MRPL1: variants seen among roughly 807,000 people sequenced by gnomAD.
MRPL1 encodes mitochondrial ribosomal protein L1.
Under a neutral mutation model 38.0 loss-of-function variants are expected in MRPL1, and 28 were observed. The observed-to-expected ratio is 0.74, with a 90% CI of 0.55 to 1.01. The LOEUF (loss-of-function observed/expected upper bound fraction) is 1.01. Among genes scored for constraint, MRPL1 ranks in the 50% least tolerant of loss-of-function variants. The probability of loss-of-function intolerance (pLI) is 0.00; values close to 1 mark genes in which losing one functional copy is unlikely to be tolerated. For missense variants in MRPL1, 358 were observed against 389.8 expected (o/e 0.92, Z 0.69); for synonymous variants, 123 against 126.7 (o/e 0.97, Z 0.20).
In MRPL1 at chr4:77,883,454, A is replaced by G. The variant is rs144659187; in HGVS notation, c.356A>G (p.Gln119Arg). 1.2e-4 allele frequency: 198 copies of G among 1,613,906 alleles called. No individual in the cohort carries two copies. The highest frequency in any genetic ancestry group is 3.3e-4 in the Middle Eastern group (2 of 6,052). Residue 119 changes from glutamine to arginine, a missense_variant, in exon 3 of 9, where the codon CAA becomes CGA. Gln to Arg is a conservative substitution (Grantham distance 43, BLOSUM62 1). Transcript: ENST00000315567. ...FQILDFTSPK[Q>R]SVYLDLTLDM... ...ATTCTTGACTTTACTAGTCCAAAGC[A>G]AAGTGTTTATCTTGATTTGACACTG...
At chr4:77,913,212 A>C (rs1736330179) in intron 7 of MRPL1, among the ~76,000 whole-genome samples, 1 of 152,106 alleles carries the variant, frequency 6.6e-6, no homozygotes, top group Non-Finnish European at 1.5e-5. Context: ...TTTAAAAGAC[A>C]CTGTTAAGAG....
At chr4:77,929,122 C>T (rs1222908493) in intron 7 of MRPL1, among the ~76,000 whole-genome samples, 1 of 152,164 alleles carries the variant, frequency 6.6e-6, no homozygotes, top group Admixed American at 6.5e-5. Flanking sequence ...CTTTTGTTGG[C>T]TTTATTTAAA....
At chr4:77,866,748 C>CTTTTTTT (rs1560457402) in intron 1 of MRPL1, among the ~76,000 whole-genome samples, 1 of 150,150 alleles carries the variant, frequency 6.7e-6, no homozygotes. Context: ...ATATCACCCC[C>CTTTTTTT]CTTTTTTTTT....
intron 7 of MRPL1, among the ~76,000 whole-genome samples, chr4:77,949,151 G>A (rs1292968413): frequency 6.6e-6 from 1 of 152,190 alleles, no homozygotes; most frequent in Non-Finnish European, 1.5e-5. Context: ...ATTTTAACTG[G>A]AATATTTAGG....
chr4:77,921,345 T>TA lies in MRPL1; in HGVS notation c.777+11974dup, dbSNP rs139426932. 2.8e-3 allele frequency among the ~76,000 whole-genome samples: 426 copies of TA among 152,228 alleles called. 3 individuals carry two copies. The highest frequency in any genetic ancestry group is 0.014 in the Middle Eastern group (4 of 294). On this transcript the variant is annotated intron_variant, in intron 7 of 8. Transcript: ENST00000315567. Reference sequence around the variant, plus strand: ...ATATACAAATAAATATATATGTACTTATGATGGTGGAGTGTGTGTATGTGT... The same window carrying TA: ...ATATACAAATAAATATATATGTACTTAATGATGGTGGAGTGTGTGTATGTGT...
At chr4:77,867,098 C>T (rs1735164929) in intron 1 of MRPL1, among the ~76,000 whole-genome samples, 1 of 152,126 alleles carries the variant, frequency 6.6e-6, no homozygotes, top group Admixed American at 6.5e-5. Context: ...CTTAAAATTG[C>T]AAACCACTTT....
At chr4:77,931,608 T>C (rs868753278) in intron 7 of MRPL1, among the ~76,000 whole-genome samples, 1 of 152,262 alleles carries the variant, frequency 6.6e-6, no homozygotes, top group South Asian at 2.1e-4. Flanking sequence ...TGTGTACTTT[T>C]GTTGCCAACC....
Position 77,945,169 on chromosome 4 carries a change from T to TTATTAC in MRPL1, c.778-4626_778-4625insTTACTA, listed in dbSNP as rs1442387010. 3.0e-4 allele frequency among the ~76,000 whole-genome samples: 29 copies of TTATTAC among 97,170 alleles called. No individual in the cohort carries two copies. In the East Asian group the frequency reaches 4.3e-3, roughly 14 times the overall value. The allele number at this position is 97,170 out of a possible 152,430, so 63.7% of individuals were successfully genotyped here. On this transcript the variant is annotated intron_variant, in intron 7 of 8. Transcript: ENST00000315567. Reference sequence around the variant, plus strand: ...ATTATTATTATTATTATTATTATTATTACTACTACTACTACTTTATGTTAT... The same window carrying TTATTAC: ...ATTATTATTATTATTATTATTATTATTATTACTACTACTACTACTACTTTATGTTAT...
chr4:77,879,821 C>T (rs1735495399), intron 2 of MRPL1, among the ~76,000 whole-genome samples: 1 of 152,158 alleles, frequency 6.6e-6, no homozygotes. Context: ...TGGGCACTTG[C>T]TTAGACTTGT....
chr4:77,936,633 G>A (rs1363047605), intron 7 of MRPL1, among the ~76,000 whole-genome samples: 1 of 152,202 alleles, frequency 6.6e-6, no homozygotes, highest in Non-Finnish European at 1.5e-5. Flanking sequence ...AACAGCAGAA[G>A]TGGAAGAATT....
chr4:77,940,141 C>T (rs1038721413), intron 7 of MRPL1, among the ~76,000 whole-genome samples: 2 of 152,016 alleles, frequency 1.3e-5, no homozygotes, highest in South Asian at 4.1e-4. Flanking sequence ...ACAGTATGGT[C>T]ATTTTCACAA....
chr4:77,884,305 G>A (rs546957817), intron 3 of MRPL1, among the ~76,000 whole-genome samples: 1 of 151,838 alleles, frequency 6.6e-6, no homozygotes, highest in Admixed American at 6.6e-5. Context: ...CGAGGAGGAT[G>A]TTTCTACTCA....
chr4:77,888,528 TAAAC>T (rs541850187), intron 5 of MRPL1, among the ~76,000 whole-genome samples: 53 of 151,844 alleles, frequency 3.5e-4, no homozygotes, highest in South Asian at 1.9e-3. Context: ...ATAAAATAAA[TAAAC>T]AAACAAATAA....
intron 7 of MRPL1, among the ~76,000 whole-genome samples, chr4:77,921,754 A>G (rs1736585439): frequency 6.6e-6 from 1 of 151,620 alleles, no homozygotes; most frequent in Admixed American, 6.6e-5. Context: ...ATTTGAATAG[A>G]AAAGCCTTTC....
rs150162729 is a variant in MRPL1, at chr4:77,900,223, A to G, written c.670+5973A>G. Among the ~76,000 whole-genome samples, 593 of 152,264 alleles carry G rather than the reference A, an allele frequency of 3.9e-3. 3 individuals carry two copies. Among genetic ancestry groups the G allele is most frequent in the Admixed American group, 5.8e-3 (89 of 15,274 alleles). On this transcript the variant is annotated intron_variant, in intron 6 of 8. Coordinates refer to ENST00000315567, the MANE Select transcript of MRPL1 (RefSeq NM_020236.4). ...CATGTATTTATATATCACCTTCATA[A>G]CTTATTTGTTGAAAAAGCAGATAAT... is the stretch of plus-strand genomic sequence containing the variant.
At chr4:77,912,584 T>C (rs1736314995) in intron 7 of MRPL1, among the ~76,000 whole-genome samples, 1 of 152,178 alleles carries the variant, frequency 6.6e-6, no homozygotes, top group African/African-American at 2.4e-5. Flanking sequence ...CTATATACCT[T>C]GTTTATGGAT....
rs755160779 is a variant in MRPL1, at chr4:77,885,352, C to T, written c.486+13C>T. 2.3e-5 allele frequency: 36 copies of T among 1,590,234 alleles called. 1 individual carries two copies. Among genetic ancestry groups the T allele is most frequent in the Admixed American group, 1.8e-4 (11 of 59,888 alleles). On this transcript the variant is annotated intron_variant, in intron 4 of 8. Coordinates refer to ENST00000315567, the MANE Select transcript of MRPL1 (RefSeq NM_020236.4). ...TGTATTTACAGAGGTGAGTAACTTC[C>T]GTCAACTATTTATATCATTTAATTT... is the stretch of plus-strand genomic sequence containing the variant.
At chr4:77,951,853 G>A (rs560245325) in intron 8 of MRPL1, among the ~76,000 whole-genome samples, 14 of 152,280 alleles carry the variant, frequency 9.2e-5, no homozygotes, top group African/African-American at 2.9e-4. Context: ...CTGCTTATCC[G>A]GAGATCATTC....
intron 6 of MRPL1, among the ~76,000 whole-genome samples, chr4:77,906,785 C>G (rs181091498): frequency 6.6e-6 from 1 of 152,022 alleles, no homozygotes; most frequent in African/African-American, 2.4e-5. Flanking sequence ...ATGGTTTAAC[C>G]AGGTATCTGT....
Sources: allele counts gnomAD v4.1 joint callset (sites outside exome capture counted in the v4.1 genomes callset), GRCh38; gene constraint gnomAD v4.1.1; transcripts MANE v1.5; gene names NCBI Gene and HGNC (gene_info 2026-07-23, HGNC 2026-07-21).